DPP4: variants seen among roughly 807,000 people sequenced by gnomAD.
The protein encoded by DPP4 is ADCP-2.
In DPP4, 93 loss-of-function variants were observed where a neutral mutation model predicts 122.4. The observed-to-expected ratio is 0.76, with a 90% CI of 0.64 to 0.90. DPP4 has a LOEUF of 0.90. Ranked by LOEUF, DPP4 falls within the 40% of genes least tolerant of loss-of-function variation. The pLI, the probability that DPP4 is intolerant of heterozygous loss-of-function variation, is 0.00. For missense variants in DPP4, 914 were observed against 907.3 expected, an observed-to-expected ratio of 1.01 and a Z score of -0.09; for synonymous variants, 321 against 302.9, an observed-to-expected ratio of 1.06 and a Z score of -0.62.
At chr2:162,060,518 T>G (rs568797961) in intron 2 of DPP4, among the ~76,000 whole-genome samples, 1 of 152,246 alleles carries the variant, frequency 6.6e-6, no homozygotes, top group African/African-American at 2.4e-5. Flanking sequence ...GTTTGTTTTC[T>G]TCCCTTTTTT....
chr2:162,015,087 A>G (rs1682862887), intron 18 of DPP4, among the ~76,000 whole-genome samples: 1 of 152,174 alleles, frequency 6.6e-6, no homozygotes, highest in Non-Finnish European at 1.5e-5. Context: ...AGTTTAATAA[A>G]ATTTGTCCCT....
chr2:162,057,266 C>A (rs1428327279), intron 2 of DPP4, among the ~76,000 whole-genome samples: 1 of 152,178 alleles, frequency 6.6e-6, no homozygotes, highest in African/African-American at 2.4e-5. Context: ...ACTATTACAA[C>A]TCAGGTTCTA....
intron 2 of DPP4, among the ~76,000 whole-genome samples, chr2:162,071,226 C>G (rs1450347376): frequency 6.6e-6 from 1 of 152,160 alleles, no homozygotes; most frequent in Non-Finnish European, 1.5e-5. Flanking sequence ...TTTATAATCC[C>G]TAACACAGGA....
chr2:162,002,271 T>C (rs920905689), intron 23 of DPP4, among the ~76,000 whole-genome samples: 3 of 152,242 alleles, frequency 2.0e-5, no homozygotes, highest in Non-Finnish European at 2.9e-5. Context: ...AGTAGGACTT[T>C]GATTTAACGA....
chr2:162,030,400 C>T (rs1481285433), intron 10 of DPP4, among the ~76,000 whole-genome samples: 1 of 152,228 alleles, frequency 6.6e-6, no homozygotes, highest in Non-Finnish European at 1.5e-5. Flanking sequence ...AAACCAGCCT[C>T]ATCCTCCTGT....
chr2:162,009,358 G>A, intron 20 of DPP4, 63 bp from the exon 21 acceptor site: 1 of 1,450,386 alleles, frequency 6.9e-7, no homozygotes, highest in Non-Finnish European at 9.7e-7. Flanking sequence ...CTTAGATGAG[G>A]CACAAATGTG....
intron 24 of DPP4, 86 bp from the exon 25 acceptor site, chr2:161,995,120 G>T: frequency 6.8e-7 from 1 of 1,477,206 alleles, no homozygotes; most frequent in Non-Finnish European, 9.5e-7. Flanking sequence ...CAAGAAGAAA[G>T]GGACTGTTTG....
chr2:162,049,695 C>T (rs1684317862), intron 2 of DPP4, among the ~76,000 whole-genome samples: 2 of 151,852 alleles, frequency 1.3e-5, no homozygotes, highest in South Asian at 2.1e-4. Context: ...TGGGCCATTC[C>T]CTCAGTTAAA....
intron 20 of DPP4, among the ~76,000 whole-genome samples, chr2:162,009,784 T>C (rs1701377379): frequency 6.6e-6 from 1 of 152,122 alleles, no homozygotes; most frequent in African/African-American, 2.4e-5. Flanking sequence ...ATTCTCTAAA[T>C]AAATCCCTTC....
At chr2:162,061,002 CTCCCTCCTTCCTTCCT>C (rs1226992662) in intron 2 of DPP4, among the ~76,000 whole-genome samples, 16 of 118,438 alleles carry the variant, frequency 1.4e-4, no homozygotes, top group South Asian at 5.4e-4. Flanking sequence ...CCCTCCCTCC[CTCCCTCCTTCCTTCCT>C]TCCTTCCTTC....
chr2:162,073,605 G>C, intron 1 of DPP4, 119 bp from the exon 2 acceptor site: 1 of 986,638 alleles, frequency 1.0e-6, no homozygotes, highest in East Asian at 2.5e-5. Flanking sequence ...TTAGAAGAGG[G>C]AGACCGCGGG....
At chr2:162,035,113 C>A in intron 9 of DPP4, 51 bp downstream of exon 9, 2 of 1,534,984 alleles carry the variant, frequency 1.3e-6, no homozygotes, top group Non-Finnish European at 1.8e-6. Context: ...TAAATGAAAC[C>A]ATTCTCTTCC....
intron 19 of DPP4, among the ~76,000 whole-genome samples, chr2:162,012,286 C>A (rs1036281903): frequency 2.0e-5 from 3 of 152,044 alleles, no homozygotes; most frequent in African/African-American, 7.2e-5. Flanking sequence ...GAAATAATTT[C>A]TCTAATAGTT....
intron 11 of DPP4, among the ~76,000 whole-genome samples, 180 bp downstream of exon 11, chr2:162,024,624 T>G (rs1683251711): frequency 6.6e-6 from 1 of 152,146 alleles, no homozygotes; most frequent in Non-Finnish European, 1.5e-5. Context: ...TAGAAGCACC[T>G]CGGGATGGCA....
rs79932012 is a variant in DPP4 at position 162,017,258 on chromosome 2, T to C, written c.1421-103A>G. The C allele has an allele frequency of 2.6e-3, 2,357 of 910,662 alleles. 42 individuals carry two copies. In the African/African-American group the frequency reaches 0.035, roughly 14 times the overall value. The allele number at this position is 910,662 out of a possible 1,614,324, so 56.4% of individuals were successfully genotyped here. On this transcript the variant is annotated intron_variant, in intron 16 of 25. Coordinates refer to ENST00000360534, the MANE Select transcript of DPP4 (RefSeq NM_001935.4). ...ACCATTTGTTACCATTTAACTTTGA[T>C]AGAATATATAAATATTATAATGCAT...
At chr2:162,017,059 G>A (rs1406540088) in intron 17 of DPP4, 49 bp downstream of exon 17, 1 of 1,574,954 alleles carries the variant, frequency 6.3e-7, no homozygotes, top group Admixed American at 1.7e-5. Flanking sequence ...TTAGACTTAT[G>A]CAACACACTT....
chr2:162,051,432 C>T (rs1051006333), intron 2 of DPP4, among the ~76,000 whole-genome samples: 2 of 152,174 alleles, frequency 1.3e-5, no homozygotes, highest in African/African-American at 4.8e-5. Context: ...TATAATGTTT[C>T]CACTCCACAA....
intron 16 of DPP4, 165 bp from the exon 17 acceptor site, chr2:162,017,320 CT>C (rs1329031631): frequency 1.6e-6 from 1 of 615,382 alleles, no homozygotes; most frequent in Non-Finnish European, 2.8e-6. Context: ...TCTCCTCCCC[CT>C]CTCTTTAAAA....
At chr2:162,062,772 T>A (rs894267650) in intron 2 of DPP4, among the ~76,000 whole-genome samples, 14 of 152,228 alleles carry the variant, frequency 9.2e-5, no homozygotes, top group Non-Finnish European at 1.9e-4. Flanking sequence ...AAACAGTTCA[T>A]GTGATTCAGT....
Sources: gnomAD v4.1 joint callset for allele counts (sites outside exome capture counted in the v4.1 genomes callset) on GRCh38, gnomAD v4.1.1 for gene constraint, MANE v1.5 for transcripts, NCBI Gene and HGNC (gene_info 2026-07-23, HGNC 2026-07-21) for gene names.